Variants in OR6N1 observed in about 807,000 individuals in gnomAD.
OR6N1 encodes the protein olfactory receptor family 6 subfamily N member 1.
For synonymous variants in OR6N1, 170 were observed against 150.7 expected (o/e 1.13, Z -0.94); for missense variants, 394 against 371.7 (o/e 1.06, Z -0.49).
upstream of OR6N1, among the ~76,000 whole-genome samples, chr1:158,772,877 G>T (rs1414344429): frequency 6.6e-6 from 1 of 152,148 alleles, no homozygotes; most frequent in East Asian, 1.9e-4. Context: ...AGTACTATAT[G>T]TGAGGTGATA....
the OR6N1 span, among the ~76,000 whole-genome samples, chr1:158,821,464 A>G: frequency 6.6e-6 from 1 of 152,184 alleles, no homozygotes; most frequent in Non-Finnish European, 1.5e-5. Flanking sequence ...ACTGTTCTCT[A>G]TTAACTCCTT....
At chr1:158,805,120 A>G in the OR6N1 span, among the ~76,000 whole-genome samples, 10 of 152,346 alleles carry the variant, frequency 6.6e-5, no homozygotes, top group African/African-American at 1.9e-4. Flanking sequence ...TTTGCCCAGT[A>G]CAACTGTGGT....
At chr1:158,774,995 T>C (rs1389526077), upstream of OR6N1, 1 of 152,236 alleles carries the variant, frequency 6.6e-6, no homozygotes, top group Non-Finnish European at 1.5e-5. Flanking sequence ...TACGATTGCA[T>C]TGAATACTCA....
the OR6N1 span, chr1:158,808,564 A>G: frequency 2.6e-5 from 4 of 153,132 alleles, no homozygotes; most frequent in African/African-American, 7.2e-5. Flanking sequence ...GTGAGCCCAC[A>G]TATACTGTGA....
At chr1:158,782,514 T>A in the OR6N1 span, among the ~76,000 whole-genome samples, 11 of 152,218 alleles carry the variant, frequency 7.2e-5, no homozygotes, top group Admixed American at 3.9e-4. Flanking sequence ...CACACACCAC[T>A]GGAGTTGTGG....
At chr1:158,777,460 A>G in the OR6N1 span, 5 of 1,614,134 alleles carry the variant, frequency 3.1e-6, no homozygotes, top group Non-Finnish European at 4.2e-6. Context: ...AAAGTGGTAC[A>G]TAGGTGTGTG....
rs905299346 is a variant in OR6N1 at position 158,765,792 on chromosome 1, G to T, written c.891C>A (p.Ile297=). 3.7e-6 allele frequency: 6 copies of T among 1,614,130 alleles called. No individual in the cohort carries two copies. Among genetic ancestry groups the T allele is most frequent in the Non-Finnish European group, 5.1e-6 (6 of 1,179,996 alleles). ...TTAGCTGCCTCCTCACAGCCTCCTTGATCTCCTTGTTGCGCAAGCTGTAGA... is the reference window on the plus strand; with the variant it reads ...TTAGCTGCCTCCTCACAGCCTCCTTTATCTCCTTGTTGCGCAAGCTGTAGA... The part of the protein sequence containing the change: ...PFIYSLRNKE[I]KEAVRRQLKR... The change falls in exon 2 of 2, where the codon ATC becomes ATA. Residue 297 remains isoleucine, a synonymous_variant. Transcript: ENST00000641846.
At chr1:158,800,545 C>T in the OR6N1 span, among the ~76,000 whole-genome samples, 1 of 152,128 alleles carries the variant, frequency 6.6e-6, no homozygotes. Flanking sequence ...AATTGGACAA[C>T]TTATCCACAT....
At chr1:158,789,151 T>C in the OR6N1 span, among the ~76,000 whole-genome samples, 1 of 152,202 alleles carries the variant, frequency 6.6e-6, no homozygotes, top group Non-Finnish European at 1.5e-5. Context: ...TCAAGTTCCA[T>C]CCATGTTGCT....
At chr1:158,796,735 T>C in the OR6N1 span, among the ~76,000 whole-genome samples, 1 of 152,216 alleles carries the variant, frequency 6.6e-6, no homozygotes, top group East Asian at 1.9e-4. Context: ...GTTCCTTGCT[T>C]TGTCAATTTG....
the OR6N1 span, among the ~76,000 whole-genome samples, chr1:158,796,543 C>T: frequency 6.6e-6 from 1 of 152,160 alleles, no homozygotes; most frequent in Non-Finnish European, 1.5e-5. Flanking sequence ...AAATATACTT[C>T]TAATTTCCAG....
chr1:158,811,419 G>A, the OR6N1 span, among the ~76,000 whole-genome samples: 1 of 152,104 alleles, frequency 6.6e-6, no homozygotes, highest in East Asian at 1.9e-4. Context: ...CATTGTTTAT[G>A]GAACCACCAT....
chr1:158,816,761 C>G, the OR6N1 span, among the ~76,000 whole-genome samples: 1 of 152,196 alleles, frequency 6.6e-6, no homozygotes, highest in Non-Finnish European at 1.5e-5. Flanking sequence ...GAATTTGGAC[C>G]AACACCTTCC....
At chr1:158,779,221 C>T in the OR6N1 span, among the ~76,000 whole-genome samples, 1 of 151,966 alleles carries the variant, frequency 6.6e-6, no homozygotes, top group Non-Finnish European at 1.5e-5. Flanking sequence ...AAAACAATAA[C>T]AAAAATTCAC....
the OR6N1 span, among the ~76,000 whole-genome samples, chr1:158,778,351 C>A: frequency 6.6e-6 from 1 of 152,082 alleles, no homozygotes; most frequent in Admixed American, 6.5e-5. Context: ...TGAAAAAAAA[C>A]TTTTAGAGGA....
At chr1:158,832,468 A>G in the OR6N1 span, among the ~76,000 whole-genome samples, 1 of 151,756 alleles carries the variant, frequency 6.6e-6, no homozygotes, top group Non-Finnish European at 1.5e-5. Context: ...TTAATTTCTC[A>G]TTGTAGTTCT....
At chr1:158,769,384 G>C (rs192965634) in intron 1 of OR6N1, among the ~76,000 whole-genome samples, 1 of 152,206 alleles carries the variant, frequency 6.6e-6, no homozygotes, top group African/African-American at 2.4e-5. Context: ...GGCTGGTCTT[G>C]AACTCCTGGG....
chr1:158,829,781 T>C, the OR6N1 span, among the ~76,000 whole-genome samples: 3 of 152,142 alleles, frequency 2.0e-5, no homozygotes, highest in Admixed American at 1.3e-4. Flanking sequence ...AGACTGGGCA[T>C]TTTACAAAAG....
chr1:158,777,449 C>T, the OR6N1 span: 11 of 1,614,174 alleles, frequency 6.8e-6, no homozygotes, highest in Non-Finnish European at 8.5e-7. Flanking sequence ...AGAACACTGA[C>T]AAAGTGGTAC....
Sources: allele counts gnomAD v4.1 joint callset (sites outside exome capture counted in the v4.1 genomes callset), GRCh38; gene constraint gnomAD v4.1.1; transcripts MANE v1.5; gene names NCBI Gene and HGNC (gene_info 2026-07-23, HGNC 2026-07-21).